The following FADS2 variants were observed in gnomAD, a reference collection of about 807,000 sequenced individuals.
The protein encoded by FADS2 is acyl-CoA 6-desaturase.
Under a neutral mutation model 61.2 loss-of-function variants are expected in FADS2, and 18 were observed. The ratio of observed to expected loss-of-function variants is 0.29; its 90% CI spans 0.20 to 0.44. The LOEUF is 0.44. Among genes scored for constraint, FADS2 ranks in the 20% least tolerant of loss-of-function variants. The probability of loss-of-function intolerance (pLI) is 1.00; values close to 1 mark genes in which losing one functional copy is unlikely to be tolerated. For missense variants in FADS2, 322 were observed against 572.7 expected (o/e 0.56, Z 4.47); for synonymous variants, 203 against 223.9 (o/e 0.91, Z 0.83).
At chr11:61,859,917 C>T (rs1006144328) in intron 7 of FADS2, among the ~76,000 whole-genome samples, 6 of 151,210 alleles carry the variant, frequency 4.0e-5, no homozygotes, top group African/African-American at 1.5e-4. Flanking sequence ...ACCCGGGAGG[C>T]GGAGCTTGCA....
At chr11:61,854,321 G>A (rs2067336708) in intron 5 of FADS2, 1 of 152,326 alleles carries the variant, frequency 6.6e-6, no homozygotes, top group Non-Finnish European at 1.5e-5. Flanking sequence ...GATGGGCAGT[G>A]TGCGTGCACA....
rs1030732672 is a variant in FADS2 at position 61,851,914 on chromosome 11, C to T, written c.744+3630C>T. Reference sequence around the variant, plus strand: ...ATTCACTTTACCCAGAGATTCATTTCTTGTGTGCTTAGAAAGTTCTTCATA... The same window carrying T: ...ATTCACTTTACCCAGAGATTCATTTTTTGTGTGCTTAGAAAGTTCTTCATA... On this transcript the variant is annotated intron_variant, in intron 5 of 11. Coordinates refer to ENST00000278840, the MANE Select transcript of FADS2 (RefSeq NM_004265.4). Among the ~76,000 whole-genome samples, 11 of 152,348 alleles carry T rather than the reference C, an allele frequency of 7.2e-5. No homozygotes were observed. The East Asian group carries it at 2.1e-3, about 29-fold the overall frequency.
In FADS2 at chr11:61,865,081, G is replaced by C. The variant is rs2067455420; in HGVS notation, c.1158-71G>C. The C allele has an allele frequency of 6.4e-7, 1 of 1,551,770 alleles. No homozygotes were observed. The highest frequency in any genetic ancestry group is 2.3e-5 in the East Asian group (1 of 43,918). ...AGGGCCCCAGCCAGCCTCTGCCCAG[G>C]TGGTGGGAGGAAGCGGGAGCAGCAT... is the stretch of plus-strand genomic sequence containing the variant. On this transcript the variant is annotated intron_variant, in intron 10 of 11. Coordinates refer to ENST00000278840, the MANE Select transcript of FADS2 (RefSeq NM_004265.4). The surrounding 1 kb of genome is among the most constrained non-coding windows in gnomAD (Gnocchi z 4.1).
At chr11:61,852,937 G>A (rs996764337) in intron 5 of FADS2, among the ~76,000 whole-genome samples, 6 of 152,036 alleles carry the variant, frequency 3.9e-5, no homozygotes, top group African/African-American at 9.7e-5. Context: ...GGCGGATCAC[G>A]AGGTCAGGAG....
chr11:61,824,427 A>G (rs866948462), upstream of FADS2, among the ~76,000 whole-genome samples: 67 of 8,422 alleles, frequency 8.0e-3, no homozygotes, highest in South Asian at 0.022. Flanking sequence ...AGAGAGAGAG[A>G]GAGAGAGGGA....
At chr11:61,851,021 T>C (rs945442321) in intron 5 of FADS2, among the ~76,000 whole-genome samples, 1 of 152,198 alleles carries the variant, frequency 6.6e-6, no homozygotes, top group African/African-American at 2.4e-5. Flanking sequence ...GCCACAGTTC[T>C]GTACTTTGGA....
At chr11:61,831,827 TCTTCC>T (rs2135955536) in intron 1 of FADS2, among the ~76,000 whole-genome samples, 1 of 152,282 alleles carries the variant, frequency 6.6e-6, no homozygotes, top group African/African-American at 2.4e-5. Context: ...ACCTCTGATC[TCTTCC>T]CTTTGGTACT....
chr11:61,824,997 C>T (rs1200313611), upstream of FADS2, among the ~76,000 whole-genome samples: 1 of 151,492 alleles, frequency 6.6e-6, no homozygotes, highest in Admixed American at 6.6e-5. Flanking sequence ...TCGAGACCAT[C>T]ATGGCCAACA....
chr11:61,821,029 C>G (rs1369020305), intron 1 of FADS2, among the ~76,000 whole-genome samples: 1 of 152,232 alleles, frequency 6.6e-6, no homozygotes, highest in Non-Finnish European at 1.5e-5. Context: ...CCCACCTACA[C>G]AGGTGGTCAC....
chr11:61,832,895 G>A (rs2067140552), intron 1 of FADS2, among the ~76,000 whole-genome samples: 1 of 152,216 alleles, frequency 6.6e-6, no homozygotes, highest in Admixed American at 6.5e-5. Context: ...GCCCAGTTGT[G>A]CAGCATTCGA....
intron 1 of FADS2, among the ~76,000 whole-genome samples, chr11:61,832,157 C>G (rs192319604): frequency 1.3e-5 from 2 of 152,326 alleles, no homozygotes; most frequent in East Asian, 3.9e-4. Flanking sequence ...GCAACTGTTC[C>G]TGCCCGGTCT....
chr11:61,842,281 C>G (rs905596205), intron 4 of FADS2, among the ~76,000 whole-genome samples: 1 of 152,242 alleles, frequency 6.6e-6, no homozygotes, highest in African/African-American at 2.4e-5. Flanking sequence ...CCTGAAGCGG[C>G]CTGAGAACCT....
rs1267885003 is a variant in FADS2 at position 61,865,131 on chromosome 11, C to T, written c.1158-21C>T. ...TGGCCCTCTGAGTCCTCACGCTCTG[C>T]CCACCCTACACACTCCTCAGCCTCT... On this transcript the variant is annotated intron_variant, in intron 10 of 11. Transcript: ENST00000278840. The surrounding 1 kb of genome is among the most constrained non-coding windows in gnomAD (Gnocchi z 4.1). The T allele has an allele frequency of 6.8e-6, 11 of 1,607,274 alleles. No individual in the cohort carries two copies. The highest frequency in any genetic ancestry group is 9.4e-6 in the Non-Finnish European group (11 of 1,175,978).
At chr11:61,843,856 T>C (rs1362063615) in intron 4 of FADS2, among the ~76,000 whole-genome samples, 1 of 152,094 alleles carries the variant, frequency 6.6e-6, no homozygotes, top group Non-Finnish European at 1.5e-5. Context: ...AGATGGGGTT[T>C]CTCCATGTTG....
chr11:61,856,757 G>A, intron 5 of FADS2: 1 of 518,462 alleles, frequency 1.9e-6, no homozygotes, highest in Middle Eastern at 5.0e-4. Flanking sequence ...TGCCGGCCTT[G>A]TAGAGGATCG....
upstream of FADS2, among the ~76,000 whole-genome samples, chr11:61,824,798 T>C (rs1190757364): frequency 6.6e-6 from 1 of 152,144 alleles, no homozygotes; most frequent in Non-Finnish European, 1.5e-5. Context: ...GAATTAATCC[T>C]TGGGAGCAGG....
intron 1 of FADS2, among the ~76,000 whole-genome samples, chr11:61,822,465 A>G (rs978102643): frequency 6.6e-6 from 1 of 152,202 alleles, no homozygotes; most frequent in Non-Finnish European, 1.5e-5. Context: ...AGTGAGTTCA[A>G]TAAATGTTTT....
chr11:61,846,110 T>C (rs1375657550), intron 4 of FADS2, among the ~76,000 whole-genome samples: 1 of 151,466 alleles, frequency 6.6e-6, no homozygotes, highest in African/African-American at 2.4e-5. Context: ...CTCGAGCCTC[T>C]AAGCTTTCTT....
At chr11:61,824,394 A>AAGGGAGAGAGAGAGAGAGAG (rs2067053876), upstream of FADS2, among the ~76,000 whole-genome samples, 1 of 17,342 alleles carries the variant, frequency 5.8e-5, no homozygotes, top group Admixed American at 5.1e-4. Flanking sequence ...GGGAAAAAAA[A>AAGGGAGAGAGAGAGAGAGAG]AGAGAGAGAG....
Sources: allele counts gnomAD v4.1 joint callset (sites outside exome capture counted in the v4.1 genomes callset), GRCh38; gene constraint gnomAD v4.1.1; non-coding constraint Gnocchi (gnomAD v3.1); transcripts MANE v1.5; gene names NCBI Gene and HGNC (gene_info 2026-07-23, HGNC 2026-07-21).